Variants in ABI1 observed in about 807,000 individuals in gnomAD.
The protein encoded by ABI1 is abl interactor 1.
In ABI1, 14 loss-of-function variants were observed where a neutral mutation model predicts 54.6. That is an observed-to-expected ratio of 0.26 (90% CI 0.17 to 0.40). The LOEUF (loss-of-function observed/expected upper bound fraction) is 0.40. ABI1 is among the 10% of genes least tolerant of loss of function. The pLI is 1.00. For missense variants in ABI1, 443 were observed against 598.3 expected (o/e 0.74, Z 2.71); for synonymous variants, 194 against 209.3 (o/e 0.93, Z 0.63).
rs58739177 is a variant in ABI1 at position 26,773,215 on chromosome 10, C to CTTT, written c.463-2129_463-2127dup. Among the ~76,000 whole-genome samples, 31 of 92,496 alleles carry CTTT rather than the reference C, an allele frequency of 3.4e-4. 7 individuals are homozygous for CTTT. Among genetic ancestry groups the CTTT allele is most frequent in the East Asian group, 3.2e-3 (7 of 2,202 alleles). 60.7% of individuals were successfully genotyped at this position (92,496 alleles called of 152,430 possible). A position where few individuals can be genotyped will look rare whatever the true frequency, so the allele number is the denominator to read the frequency against. On this transcript the variant is annotated intron_variant, in intron 3 of 10. Coordinates refer to ENST00000376140, the MANE Select transcript of ABI1 (RefSeq NM_001012750.3). Reference sequence around the variant, plus strand: ...AGGCACTAAATGTCTAATGCTAATTCTTTTTTTTTTTTTGCTGGCTCTGTT... The same window carrying CTTT: ...AGGCACTAAATGTCTAATGCTAATTCTTTTTTTTTTTTTTTTGCTGGCTCTGTT...
intron 2 of ABI1, among the ~76,000 whole-genome samples, chr10:26,800,215 C>A (rs1272383945): frequency 6.6e-6 from 1 of 152,028 alleles, no homozygotes; most frequent in Admixed American, 6.6e-5. Flanking sequence ...GAAACCCCGT[C>A]TCTACTAAAA....
intron 7 of ABI1, among the ~76,000 whole-genome samples, chr10:26,761,689 TAAAC>T (rs1443583268): frequency 3.7e-5 from 5 of 134,282 alleles, no homozygotes; most frequent in Non-Finnish European, 7.9e-5. Flanking sequence ...TATATAACCT[TAAAC>T]AATACACACA....
chr10:26,774,960 T>C (rs1422262121), intron 3 of ABI1, among the ~76,000 whole-genome samples: 1 of 152,080 alleles, frequency 6.6e-6, no homozygotes, highest in Non-Finnish European at 1.5e-5. Context: ...CAAAGGATTC[T>C]TACAAGTCAG....
chr10:26,809,421 C>T (rs531708234), intron 2 of ABI1, among the ~76,000 whole-genome samples: 3 of 150,026 alleles, frequency 2.0e-5, no homozygotes, highest in South Asian at 4.2e-4. Context: ...CAGCCAAGCA[C>T]GGTGGCATGC....
intron 2 of ABI1, among the ~76,000 whole-genome samples, chr10:26,804,862 T>A (rs1015292127): frequency 1.3e-5 from 2 of 152,246 alleles, no homozygotes; most frequent in Admixed American, 1.3e-4. Flanking sequence ...AGTTACTATG[T>A]AATAAAGATA....
At chr10:26,820,255 T>TA (rs2047883220) in intron 2 of ABI1, among the ~76,000 whole-genome samples, 1 of 152,212 alleles carries the variant, frequency 6.6e-6, no homozygotes, top group Non-Finnish European at 1.5e-5. Flanking sequence ...GTGGTAATCA[T>TA]TTCACAATGT....
At chr10:26,765,413 G>T in intron 6 of ABI1, 95 bp from the exon 7 acceptor site, 1 of 811,312 alleles carries the variant, frequency 1.2e-6, no homozygotes, top group Non-Finnish European at 1.9e-6. Flanking sequence ...CTCCTTTTAT[G>T]TCATATAGTC....
chr10:26,837,708 A>G (rs2049183123), intron 1 of ABI1, among the ~76,000 whole-genome samples: 1 of 152,058 alleles, frequency 6.6e-6, no homozygotes, highest in South Asian at 2.1e-4. Flanking sequence ...TCTGCCTCCC[A>G]GTTTCAAGCA....
chr10:26,848,110 G>A (rs1290224876), intron 1 of ABI1, among the ~76,000 whole-genome samples: 1 of 149,976 alleles, frequency 6.7e-6, no homozygotes, highest in East Asian at 2.0e-4. Context: ...GAGGTGGGAG[G>A]ATGACCTGAG....
intron 7 of ABI1, among the ~76,000 whole-genome samples, chr10:26,764,477 A>C (rs1839653122): frequency 6.6e-6 from 1 of 152,238 alleles, no homozygotes; most frequent in African/African-American, 2.4e-5. Flanking sequence ...TGGCCTGTAA[A>C]GCAACATTAA....
intron 2 of ABI1, among the ~76,000 whole-genome samples, chr10:26,797,009 G>C (rs1422044507): frequency 6.6e-6 from 1 of 152,178 alleles, no homozygotes; most frequent in African/African-American, 2.4e-5. Context: ...CTCACCTCCT[G>C]CTATGCAGCC....
At chr10:26,832,300 T>A (rs910240054) in intron 1 of ABI1, among the ~76,000 whole-genome samples, 8 of 152,114 alleles carry the variant, frequency 5.3e-5, no homozygotes, top group African/African-American at 1.9e-4. Flanking sequence ...TAAAGTATGT[T>A]GGCCGGGCGC....
At chr10:26,826,489 A>G (rs1384842339) in intron 1 of ABI1, among the ~76,000 whole-genome samples, 1 of 152,198 alleles carries the variant, frequency 6.6e-6, no homozygotes, top group Non-Finnish European at 1.5e-5. Flanking sequence ...ATGGCAAATG[A>G]GCACTGGATT....
chr10:26,763,844 G>A, intron 7 of ABI1: 1 of 1,558,706 alleles, frequency 6.4e-7, no homozygotes, highest in Non-Finnish European at 8.8e-7. Context: ...ATTATGTAAA[G>A]TGAGTTCAAT....
intron 2 of ABI1, among the ~76,000 whole-genome samples, chr10:26,821,305 G>T (rs1213089692): frequency 7.0e-6 from 1 of 143,356 alleles, no homozygotes; most frequent in Admixed American, 6.9e-5. Context: ...AAAAGAAAAA[G>T]AAATAATAAA....
intron 3 of ABI1, among the ~76,000 whole-genome samples, chr10:26,776,058 G>T (rs150925441): frequency 1.1e-3 from 171 of 152,240 alleles, no homozygotes; most frequent in Non-Finnish European, 1.8e-3. Context: ...TACAATCCTA[G>T]CCACATCCCT....
chr10:26,833,534 C>T (rs1564558484), intron 1 of ABI1, among the ~76,000 whole-genome samples: 2 of 152,160 alleles, frequency 1.3e-5, no homozygotes, highest in Non-Finnish European at 2.9e-5. Flanking sequence ...CATTTCAACA[C>T]ATAATCTGTT....
intron 6 of ABI1, among the ~76,000 whole-genome samples, chr10:26,767,864 T>C (rs1021255189): frequency 5.9e-5 from 9 of 151,836 alleles, no homozygotes; most frequent in African/African-American, 2.2e-4. Flanking sequence ...CTGGGCAACA[T>C]GGTGAAACCT....
intron 2 of ABI1, among the ~76,000 whole-genome samples, chr10:26,818,627 G>C (rs1404944857): frequency 7.2e-5 from 5 of 69,042 alleles, no homozygotes; most frequent in African/African-American, 3.7e-4. Context: ...GCGAGACCCC[G>C]TCACAAAAAA....
Sources: allele counts gnomAD v4.1 joint callset (sites outside exome capture counted in the v4.1 genomes callset), GRCh38; gene constraint gnomAD v4.1.1; transcripts MANE v1.5; gene names NCBI Gene and HGNC (gene_info 2026-07-23, HGNC 2026-07-21).